The following ABR variants were observed in gnomAD, a reference collection of about 807,000 sequenced individuals.
ABR encodes the protein ABR activator of RhoGEF and GTPase, also known as active breakpoint cluster region-related protein.
ABR carries 35 observed loss-of-function variants against 107.2 expected under a neutral mutation model. The observed-to-expected ratio is 0.33, with a 90% CI of 0.25 to 0.43. ABR has a LOEUF of 0.43. Among genes scored for constraint, ABR ranks in the 20% least tolerant of loss-of-function variants. The pLI, the probability that ABR is intolerant of heterozygous loss-of-function variation, is 1.00. For missense variants in ABR, 815 were observed against 1,115.2 expected, an observed-to-expected ratio of 0.73 and a Z score of 3.83; for synonymous variants, 498 against 462.0, an observed-to-expected ratio of 1.08 and a Z score of -1.00.
At chr17:1,013,877 A>G (rs1013378263) in intron 16 of ABR, among the ~76,000 whole-genome samples, 3 of 152,218 alleles carry the variant, frequency 2.0e-5, no homozygotes, top group African/African-American at 7.2e-5. Flanking sequence ...ACCCTCACAC[A>G]GGACTGTTCC....
chr17:1,061,802 CT>C (rs2033966849), intron 10 of ABR, among the ~76,000 whole-genome samples: 1 of 152,194 alleles, frequency 6.6e-6, no homozygotes, highest in South Asian at 2.1e-4. Context: ...CCGTCTCAGC[CT>C]CCCAAAGTAC....
intron 2 of ABR, among the ~76,000 whole-genome samples, chr17:1,123,221 C>T (rs1052329258): frequency 4.6e-5 from 7 of 152,096 alleles, no homozygotes; most frequent in African/African-American, 1.2e-4. Context: ...GACCTTTGCC[C>T]GGACGATCCC....
In ABR at chr17:1,070,683, A is replaced by G. The variant is rs1173087063; in HGVS notation, c.895-593T>C. Among the ~76,000 whole-genome samples, 1 of 151,754 alleles carries G rather than the reference A, an allele frequency of 6.6e-6. No homozygotes were observed. The highest frequency in any genetic ancestry group is 1.5e-5 in the Non-Finnish European group (1 of 67,962). On this transcript the variant is annotated intron_variant, in intron 8 of 22. Transcript: ENST00000302538. The surrounding 1 kb of genome is among the most constrained non-coding windows in gnomAD (Gnocchi z 4.2). Reference sequence around the variant, plus strand: ...AGCCTGGGACTGCAGCAGTGCCCAGAGGGGACCTGCAGCCAACTCTAACCT... The same window carrying G: ...AGCCTGGGACTGCAGCAGTGCCCAGGGGGGACCTGCAGCCAACTCTAACCT...
At chr17:1,208,535 G>C (rs111507907) in intron 1 of ABR, among the ~76,000 whole-genome samples, 1 of 152,314 alleles carries the variant, frequency 6.6e-6, no homozygotes, top group Non-Finnish European at 1.5e-5. Context: ...CTCTGCTAAC[G>C]TCGCGGTAGA....
At chr17:1,189,184 G>T (rs930284098), upstream of ABR, among the ~76,000 whole-genome samples, 1 of 152,152 alleles carries the variant, frequency 6.6e-6, no homozygotes, top group Non-Finnish European at 1.5e-5. Flanking sequence ...GGCTGGGTCC[G>T]TTGGTTGGAG....
rs1308930793 is a variant in ABR at position 1,150,415 on chromosome 17, T to C, written c.62-25048A>G. ...TAGACACTGTCCTGTATGATTCCAC[T>C]CTGAAGAGGTGCTCAGAGCAGTCAG... is the stretch of plus-strand genomic sequence containing the variant. On this transcript the variant is annotated intron_variant, in intron 1 of 22. Coordinates refer to ENST00000302538, the MANE Select transcript of ABR (RefSeq NM_021962.5). The surrounding 1 kb of genome is among the most constrained non-coding windows in gnomAD (Gnocchi z 4.8). Among the ~76,000 whole-genome samples, 3 of 152,150 alleles carry C rather than the reference T, an allele frequency of 2.0e-5. No individual in the cohort carries two copies. Among genetic ancestry groups the C allele is most frequent in the Non-Finnish European group, 4.4e-5 (3 of 68,034 alleles).
intron 16 of ABR, among the ~76,000 whole-genome samples, chr17:1,021,063 C>G (rs771042107): frequency 1.1e-4 from 17 of 152,152 alleles, no homozygotes; most frequent in Admixed American, 9.8e-4. Context: ...TCCCCTCCCA[C>G]AAGCCCTCAC....
rs2035427197 is a variant in ABR, at chr17:1,073,558, T to G, written c.753+67A>C. 2.3e-6 allele frequency: 3 copies of G among 1,314,340 alleles called. No individual in the cohort carries two copies. In the South Asian group the frequency reaches 5.0e-5, roughly 22 times the overall value. 81.4% of individuals were successfully genotyped at this position (1,314,340 alleles called of 1,614,324 possible). On this transcript the variant is annotated intron_variant, in intron 7 of 22. Coordinates refer to ENST00000302538, the MANE Select transcript of ABR (RefSeq NM_021962.5). ...TGTTCTCGGTGACTCCAGCACCCTC[T>G]CACCCAGGCTCAGTCTTCCACTGAA...
intron 2 of ABR, among the ~76,000 whole-genome samples, chr17:1,103,931 A>AC (rs2038077251): frequency 6.6e-6 from 1 of 152,146 alleles, no homozygotes. Context: ...CCATGAGGAA[A>AC]TTCACATTGT....
intron 10 of ABR, among the ~76,000 whole-genome samples, chr17:1,066,864 T>C (rs1232573486): frequency 1.3e-5 from 2 of 152,152 alleles, no homozygotes; most frequent in Non-Finnish European, 2.9e-5. Context: ...CAACATGCAC[T>C]GCTTTCCAGG....
chr17:1,069,684 A>C (rs891138866), intron 9 of ABR, among the ~76,000 whole-genome samples: 1 of 152,076 alleles, frequency 6.6e-6, no homozygotes, highest in Non-Finnish European at 1.5e-5. Flanking sequence ...AAGAAAAAAA[A>C]CCAACAAAGT....
chr17:1,179,897 G>T lies in ABR; in HGVS notation c.-170C>A. The stretch of plus-strand genomic sequence containing the variant: ...GGCGGCCGGGGCAGGGGCGAGGGCG[G>T]GGCGGGAGCCCCCAAAACCCTCCCG... On this transcript the variant is annotated 5_prime_UTR_variant, in exon 1 of 23. Transcript: ENST00000302538. The surrounding 1 kb of genome is among the most constrained non-coding windows in gnomAD (Gnocchi z 4.9). 1.7e-6 allele frequency: 1 copy of T among 589,390 alleles called. No homozygotes were observed. The highest frequency in any genetic ancestry group is 2.6e-6 in the Non-Finnish European group (1 of 381,348). 36.5% of individuals were successfully genotyped at this position (589,390 alleles called of 1,614,324 possible). A position where few individuals can be genotyped will look rare whatever the true frequency, so the allele number is the denominator to read the frequency against.
In ABR at chr17:1,071,189, G is replaced by C. The variant is rs575189999; in HGVS notation, c.895-1099C>G. Among the ~76,000 whole-genome samples the C allele has an allele frequency of 1.1e-4, 16 of 152,206 alleles. No individual in the cohort carries two copies. Among genetic ancestry groups the C allele is most frequent in the African/African-American group, 3.6e-4 (15 of 41,520 alleles). On this transcript the variant is annotated intron_variant, in intron 8 of 22. Coordinates refer to ENST00000302538, the MANE Select transcript of ABR (RefSeq NM_021962.5). This position sits in a 1 kb window ranked among gnomAD's most constrained non-coding sequence, Gnocchi z 5.1. Reference sequence around the variant, plus strand: ...AAAAAAAGGATGACTGAAAACGGAGGGTACGCTAAGCCCTCTGGAGATTTT... The same window carrying C: ...AAAAAAAGGATGACTGAAAACGGAGCGTACGCTAAGCCCTCTGGAGATTTT...
intron 1 of ABR, among the ~76,000 whole-genome samples, chr17:1,138,106 G>A (rs1450420094): frequency 6.6e-6 from 1 of 150,740 alleles, no homozygotes; most frequent in Non-Finnish European, 1.5e-5. Flanking sequence ...GTTTCAGCAT[G>A]TTGGCCAGGT....
chr17:1,117,873 C>T (rs1350055153), intron 2 of ABR, among the ~76,000 whole-genome samples: 35 of 27,432 alleles, frequency 1.3e-3, no homozygotes, highest in Non-Finnish European at 1.6e-3. Context: ...GCCTGAGTCC[C>T]TCCCAGCGTT....
intron 16 of ABR, chr17:1,031,553 GC>G (rs2072760576): frequency 6.5e-6 from 1 of 154,248 alleles, no homozygotes; most frequent in Admixed American, 1.0e-4. Flanking sequence ...GCCCCGCAGC[GC>G]CCCCGAGCCC....
At chr17:1,173,619 C>T (rs1244316062) in intron 1 of ABR, among the ~76,000 whole-genome samples, 1 of 152,124 alleles carries the variant, frequency 6.6e-6, no homozygotes, top group Non-Finnish European at 1.5e-5. Flanking sequence ...GCCGGAAACG[C>T]ATGGACGGGC....
intron 3 of ABR, 107 bp from the exon 4 acceptor site, chr17:1,091,957 C>G (rs931881646): frequency 1.6e-6 from 2 of 1,213,138 alleles, no homozygotes; most frequent in African/African-American, 3.1e-5. Context: ...AAGTCCTGCC[C>G]AGACAAGGCT....
chr17:1,094,942 T>C (rs564642732), intron 3 of ABR, among the ~76,000 whole-genome samples: 2 of 152,216 alleles, frequency 1.3e-5, no homozygotes, highest in South Asian at 4.1e-4. Flanking sequence ...GTGGGTGAGC[T>C]GAAAGCTTTG....
Sources: gnomAD v4.1 joint callset for allele counts (sites outside exome capture counted in the v4.1 genomes callset) on GRCh38, gnomAD v4.1.1 for gene constraint, Gnocchi (gnomAD v3.1) non-coding constraint, MANE v1.5 for transcripts, NCBI Gene and HGNC (gene_info 2026-07-23, HGNC 2026-07-21) for gene names.